KRT76: variants seen among roughly 807,000 people sequenced by gnomAD.
The protein encoded by KRT76 is keratin 76, also known as keratin, type II cytoskeletal 2 oral.
A neutral mutation model predicts 44.9 loss-of-function variants in KRT76; 47 were observed. That is an observed-to-expected ratio of 1.05 (90% CI 0.83 to 1.33). KRT76 has a LOEUF of 1.33. Ranked by LOEUF, KRT76 falls within the 40% of genes most tolerant of loss-of-function variation. The probability of loss-of-function intolerance (pLI) is 0.00; values close to 1 mark genes in which losing one functional copy is unlikely to be tolerated. For missense variants in KRT76, 860 were observed against 775.8 expected (o/e 1.11, Z -1.29); for synonymous variants, 331 against 294.1 (o/e 1.13, Z -1.28).
chr12:52,770,790 A>G (rs1202645351), intron 7 of KRT76, among the ~76,000 whole-genome samples: 1 of 152,200 alleles, frequency 6.6e-6, no homozygotes, highest in Non-Finnish European at 1.5e-5. Context: ...AGAGATATGT[A>G]ACATGATATT....
Position 52,775,464 on chromosome 12 carries a change from A to G in KRT76, c.739T>C (p.Ser247Pro). The part of the protein sequence containing the change: ...YISFLCKQLD[S>P]LLGERGNLEG... Reference sequence around the variant, plus strand: ...AGGTTCCCCCTCTCCCCTAGAAGTGAATCTAGCTGCTTGCATAGGAAGCTG... The same window carrying G: ...AGGTTCCCCCTCTCCCCTAGAAGTGGATCTAGCTGCTTGCATAGGAAGCTG... Residue 247 changes from serine (S) to proline (P), a missense_variant, in exon 2 of 9, where the codon TCA becomes CCA. By Grantham distance (74) the Ser-to-Pro change is moderately conservative (BLOSUM62 -1). Coordinates refer to ENST00000332411, the MANE Select transcript of KRT76 (RefSeq NM_015848.4). The G allele has an allele frequency of 6.2e-7, 1 of 1,614,188 alleles. No homozygotes were observed. Among genetic ancestry groups the G allele is most frequent in the Non-Finnish European group, 8.5e-7 (1 of 1,180,034 alleles).
intron 1 of KRT76, among the ~76,000 whole-genome samples, chr12:52,776,127 T>A (rs1180055680): frequency 6.6e-6 from 1 of 152,226 alleles, no homozygotes; most frequent in Non-Finnish European, 1.5e-5. Context: ...CTTTCAGTTA[T>A]TCAGCTTGCA....
chr12:52,772,011 A>G lies in KRT76; in HGVS notation c.1138-15T>C. ...AGCTCCCCAAGCTGACAGAGGAAAA[A>G]CCAATCAACGTGGCTTTTGCAAAGT... On this transcript the variant is annotated splice_polypyrimidine_tract_variant and intron_variant, in intron 5 of 8. Transcript: ENST00000332411. 6.2e-7 allele frequency: 1 copy of G among 1,612,262 alleles called. No individual in the cohort carries two copies. Among genetic ancestry groups the G allele is most frequent in the Non-Finnish European group, 8.5e-7 (1 of 1,179,104 alleles).
intron 7 of KRT76, among the ~76,000 whole-genome samples, chr12:52,770,505 G>A (rs971792569): frequency 1.3e-5 from 2 of 152,180 alleles, no homozygotes; most frequent in African/African-American, 4.8e-5. Flanking sequence ...CAGGGGTGGA[G>A]CTTGTAGGAC....
chr12:52,772,754 G>T (rs759961283), intron 4 of KRT76, 29 bp downstream of exon 4: 8 of 1,473,296 alleles, frequency 5.4e-6, no homozygotes, highest in Middle Eastern at 1.7e-4. Context: ...AGACAGGAAG[G>T]TTCTGCAGCT....
intron 7 of KRT76, 40 bp from the exon 8 acceptor site, chr12:52,769,623 G>A: frequency 1.3e-6 from 2 of 1,582,538 alleles, no homozygotes; most frequent in South Asian, 1.1e-5. Context: ...TCTGTTATGA[G>A]TCAATAACCA....
At position 52,769,570 on chromosome 12, in the gene KRT76, A is replaced by G. The variant is rs756652327; in HGVS notation, c.1498T>C (p.Cys500Arg). 6.2e-6 allele frequency: 10 copies of G among 1,613,898 alleles called. No individual in the cohort carries two copies. The highest frequency in any genetic ancestry group is 7.6e-6 in the Non-Finnish European group (9 of 1,179,782). The change falls in exon 8 of 9, where the codon TGT becomes CGT. Residue 500 changes from cysteine to arginine, a missense_variant. By Grantham distance (180) the Cys-to-Arg change is radical. Coordinates refer to ENST00000332411, the MANE Select transcript of KRT76 (RefSeq NM_015848.4). ...TTACAAATGCACACGGCACTCTGAC[A>G]TTCTCCAGACATCCTGAAAAGGAAG... ...EGEECRMSGE[C>R]QSAVCISVVS...
chr12:52,775,733 G>A (rs531314722), intron 1 of KRT76, 131 bp from the exon 2 acceptor site: 7 of 686,884 alleles, frequency 1.0e-5, no homozygotes, highest in Admixed American at 2.9e-5. Flanking sequence ...TTTAATTTGG[G>A]AAGGATGAAG....
chr12:52,768,868 C>A lies in KRT76; in HGVS notation c.1762G>T (p.Ala588Ser), dbSNP rs765922846. The stretch of plus-strand genomic sequence containing the variant: ...CTGTGGCTCACGGAGATGCTACCTG[C>A]ACCGCCGAGCCTGCTCCCACTACTG... The part of the protein sequence containing the change: ...SSSSGSRLGG[A>S]GSISVSHSGM... The change falls in exon 9 of 9, where the codon GCA becomes TCA. Residue 588 changes from alanine to serine, a missense_variant. Ala to Ser is a moderately conservative substitution (Grantham distance 99). Coordinates refer to ENST00000332411, the MANE Select transcript of KRT76 (RefSeq NM_015848.4). 5 of 1,612,730 alleles carry A rather than the reference C, an allele frequency of 3.1e-6. No homozygotes were observed. Among genetic ancestry groups the A allele is most frequent in the Non-Finnish European group, 4.2e-6 (5 of 1,179,732 alleles).
At chr12:52,775,654 G>A (rs530359926) in intron 1 of KRT76, 52 bp from the exon 2 acceptor site, 1 of 1,436,130 alleles carries the variant, frequency 7.0e-7, no homozygotes, top group South Asian at 1.2e-5. Flanking sequence ...GGGCATGTGG[G>A]GCTGCCCATC....
intron 2 of KRT76, 44 bp downstream of exon 2, chr12:52,775,344 T>C: frequency 6.4e-7 from 1 of 1,570,938 alleles, no homozygotes; most frequent in Non-Finnish European, 8.8e-7. Context: ...CACACCTCCC[T>C]GCTAATTCCC....
chr12:52,769,538 G>T lies in KRT76; in HGVS notation c.1519+11C>A. ...AACCCAGGGAGAGGGTTTTTTGAAT[G>T]GGCTACTTACAAATGCACACGGCAC... On this transcript the variant is annotated intron_variant, in intron 8 of 8. Transcript: ENST00000332411. 1 of 1,612,194 alleles carries T rather than the reference G, an allele frequency of 6.2e-7. No individual in the cohort carries two copies. Among genetic ancestry groups the T allele is most frequent in the Non-Finnish European group, 8.5e-7 (1 of 1,178,302 alleles).
At chr12:52,776,593 G>A (rs564735758) in intron 1 of KRT76, 99 bp downstream of exon 1, 2 of 1,586,468 alleles carry the variant, frequency 1.3e-6, no homozygotes, top group East Asian at 2.2e-5. Context: ...CAAGAGCCAA[G>A]CGCCCCTGCC....
In KRT76 at chr12:52,772,638, A is replaced by C. The variant is rs1592294131; in HGVS notation, c.972+145T>G. 1.0e-5 allele frequency: 7 copies of C among 695,318 alleles called. No individual in the cohort carries two copies. In the East Asian group the frequency reaches 1.7e-4, roughly 17 times the overall value. 43.1% of individuals were successfully genotyped at this position (695,318 alleles called of 1,614,324 possible). On this transcript the variant is annotated intron_variant, in intron 4 of 8. Coordinates refer to ENST00000332411, the MANE Select transcript of KRT76 (RefSeq NM_015848.4). Reference sequence around the variant, plus strand: ...AGGTCTATGCAGACTGAAGAAGCTCAGTTAACATTTCCCAGGTGGGGTGGA... The same window carrying C: ...AGGTCTATGCAGACTGAAGAAGCTCCGTTAACATTTCCCAGGTGGGGTGGA...
Position 52,771,015 on chromosome 12 carries a change from C to A in KRT76, c.1468G>T (p.Glu490Ter), listed in dbSNP as rs1468737388. The change falls in exon 7 of 9, where the codon GAG becomes TAG. Residue 490 changes from glutamate (E) to a stop codon, truncating the protein, a stop_gained. Transcript: ENST00000332411. LOFTEE classifies it low-confidence loss of function (END_TRUNC). ...GCCCCTCACCTGCACTCCTCTCCCT[C>A]CAGCAGCTTGCGGTAGGTGGCAATC... ...VEIATYRKLL[E>*]GEECRMSGEC... 1 of 1,614,160 alleles carries A rather than the reference C, an allele frequency of 6.2e-7. No homozygotes were observed. The highest frequency in any genetic ancestry group is 8.5e-7 in the Non-Finnish European group (1 of 1,180,034).
At chr12:52,773,721 C>A in intron 2 of KRT76, 79 bp from the exon 3 acceptor site, 1 of 1,212,938 alleles carries the variant, frequency 8.2e-7, no homozygotes, top group South Asian at 1.3e-5. Flanking sequence ...AGGCACTCTC[C>A]TCACCTGCGC....
Position 52,770,980 on chromosome 12 carries a change from T to C in KRT76, c.1484+19A>G, listed in dbSNP as rs569741545. On this transcript the variant is annotated intron_variant, in intron 7 of 8. Transcript: ENST00000332411. ...CTCTAAAACCATATCTGGAGAATGG[T>C]GATCCCATGGCCCCTCACCTGCACT... The C allele has an allele frequency of 4.3e-6, 7 of 1,614,020 alleles. No individual in the cohort carries two copies. The South Asian group carries it at 7.7e-5, about 18-fold the overall frequency.
chr12:52,775,996 G>T (rs925732642), intron 1 of KRT76, among the ~76,000 whole-genome samples: 1 of 148,252 alleles, frequency 6.7e-6, no homozygotes, highest in Non-Finnish European at 1.5e-5. Flanking sequence ...ACTGAAGGAG[G>T]TAAGCACAAA....
intron 4 of KRT76, 44 bp from the exon 5 acceptor site, chr12:52,772,302 G>A (rs755946172): frequency 2.0e-6 from 3 of 1,538,392 alleles, no homozygotes; most frequent in South Asian, 2.6e-5. Flanking sequence ...GCCTGGACCA[G>A]GGGATGCTGG....
Sources: gnomAD v4.1 joint callset for allele counts (sites outside exome capture counted in the v4.1 genomes callset) on GRCh38, gnomAD v4.1.1 for gene constraint, MANE v1.5 for transcripts, NCBI Gene and HGNC (gene_info 2026-07-23, HGNC 2026-07-21) for gene names.